Variants in JRK observed in about 807,000 individuals in gnomAD.
JRK encodes Jrk helix-turn-helix protein.
For synonymous variants in JRK, 303 were observed against 218.1 expected (o/e 1.39, Z -3.43); for missense variants, 720 against 509.2 (o/e 1.41, Z -3.98).
Position 142,658,821 on chromosome 8 carries a change from C to A in JRK, c.*5531G>T. 1 of 1,600,336 alleles carries A rather than the reference C, an allele frequency of 6.2e-7. No homozygotes were observed. Among genetic ancestry groups the A allele is most frequent in the Non-Finnish European group, 8.5e-7 (1 of 1,173,362 alleles). ...CACTGGTGGGGACAGAGGGGTCTTA[C>A]CCAGCACTGCCATGTGGCAGAAGTT... On this transcript the variant is annotated 3_prime_UTR_variant, in exon 2 of 2. Transcript: ENST00000612905.
the JRK span, among the ~76,000 whole-genome samples, chr8:142,651,857 C>A: frequency 1.3e-5 from 2 of 152,148 alleles, no homozygotes; most frequent in African/African-American, 4.8e-5. Context: ...AGGCTGAAGA[C>A]TGCTCTCCAC....
chr8:142,651,065 C>G, the JRK span, among the ~76,000 whole-genome samples: 1 of 151,200 alleles, frequency 6.6e-6, no homozygotes, highest in Non-Finnish European at 1.5e-5. Context: ...GCAGAGGGTG[C>G]AAGAGAAAGG....
At position 142,660,559 on chromosome 8, in the gene JRK, C is replaced by T; in HGVS notation, c.*3793G>A. ...GGGTTACAGGCACATGCCACCACAC[C>T]TGGCTCATTTTCTTTTACTTTCTGT... On this transcript the variant is annotated 3_prime_UTR_variant, in exon 2 of 2. Transcript: ENST00000612905. 2 of 697,374 alleles carry T rather than the reference C, an allele frequency of 2.9e-6. No individual in the cohort carries two copies. Among genetic ancestry groups the T allele is most frequent in the South Asian group, 1.3e-4 (2 of 15,290 alleles). 43.2% of individuals were successfully genotyped at this position (697,374 alleles called of 1,614,324 possible).
chr8:142,659,146 T>A lies in JRK; in HGVS notation c.*5206A>T. ...CAGGTGCCAAGTCCCAGCTCAAGCCTGGCAGCTCCTCCCACTGAGCCTCAT... is the reference window on the plus strand; with the variant it reads ...CAGGTGCCAAGTCCCAGCTCAAGCCAGGCAGCTCCTCCCACTGAGCCTCAT... On this transcript the variant is annotated 3_prime_UTR_variant, in exon 2 of 2. Coordinates refer to ENST00000612905, the MANE Select transcript of JRK (RefSeq NM_003724.4). 1 of 1,337,678 alleles carries A rather than the reference T, an allele frequency of 7.5e-7. No individual in the cohort carries two copies. Among genetic ancestry groups the A allele is most frequent in the South Asian group, 1.7e-5 (1 of 57,786 alleles). The allele number at this position is 1,337,678 out of a possible 1,614,324, so 82.9% of individuals were successfully genotyped here.
At chr8:142,650,880 G>C in the JRK span, among the ~76,000 whole-genome samples, 2 of 152,190 alleles carry the variant, frequency 1.3e-5, no homozygotes, top group African/African-American at 4.8e-5. Flanking sequence ...ACAAAATTAA[G>C]TGGTTTAAGG....
Position 142,663,130 on chromosome 8 carries a change from T to C in JRK, c.*1222A>G, listed in dbSNP as rs1846971141. The C allele has an allele frequency of 1.0e-6, 1 of 978,846 alleles. No homozygotes were observed. The highest frequency in any genetic ancestry group is 1.2e-6 in the Non-Finnish European group (1 of 824,304). 60.6% of individuals were successfully genotyped at this position (978,846 alleles called of 1,614,324 possible). Reference sequence around the variant, plus strand: ...ATCACACCACTTCACTCCAGCCTGGTCAACAGAGTGAGACCCTGCCTCAAG... The same window carrying C: ...ATCACACCACTTCACTCCAGCCTGGCCAACAGAGTGAGACCCTGCCTCAAG... On this transcript the variant is annotated 3_prime_UTR_variant, in exon 2 of 2. Coordinates refer to ENST00000612905, the MANE Select transcript of JRK (RefSeq NM_003724.4).
In JRK at chr8:142,658,974, G is replaced by C. The variant is rs587749064; in HGVS notation, c.*5378C>G. On this transcript the variant is annotated 3_prime_UTR_variant, in exon 2 of 2. Coordinates refer to ENST00000612905, the MANE Select transcript of JRK (RefSeq NM_003724.4). The stretch of plus-strand genomic sequence containing the variant: ...AACAACAGAACTTTGCTGCTTCATG[G>C]AGGAGCGTCAGTATGTCCACACCAT... 6.8e-6 allele frequency: 11 copies of C among 1,606,042 alleles called. No individual in the cohort carries two copies. The highest frequency in any genetic ancestry group is 6.8e-5 in the Admixed American group (4 of 58,938).
chr8:142,663,561 A>C lies in JRK; in HGVS notation c.*791T>G, dbSNP rs1183127694. On this transcript the variant is annotated 3_prime_UTR_variant, in exon 2 of 2. Coordinates refer to ENST00000612905, the MANE Select transcript of JRK (RefSeq NM_003724.4). The stretch of plus-strand genomic sequence containing the variant: ...CATGGTACATTGGACTCTGAGCCAA[A>C]ATGCCAAAATACCACACAGGGTCCG... 1 of 985,372 alleles carries C rather than the reference A, an allele frequency of 1.0e-6. No individual in the cohort carries two copies. The highest frequency in any genetic ancestry group is 1.2e-6 in the Non-Finnish European group (1 of 829,948). The allele number at this position is 985,372 out of a possible 1,614,324, so 61.0% of individuals were successfully genotyped here.
the JRK span, among the ~76,000 whole-genome samples, chr8:142,651,020 A>G: frequency 6.6e-6 from 1 of 152,208 alleles, no homozygotes; most frequent in African/African-American, 2.4e-5. Flanking sequence ...CACACTATTT[A>G]TAAATAATAT....
In JRK at chr8:142,663,031, T is replaced by A; in HGVS notation, c.*1321A>T. The A allele has an allele frequency of 1.7e-6, 1 of 580,122 alleles. No individual in the cohort carries two copies. The highest frequency in any genetic ancestry group is 2.2e-6 in the Non-Finnish European group (1 of 459,846). 35.9% of individuals were successfully genotyped at this position (580,122 alleles called of 1,614,324 possible). ...AAAAAGGCGCGGTGGTGCGTGCCTC[T>A]AGTCCCAGCTACTCAGGAGGCTGGG... On this transcript the variant is annotated 3_prime_UTR_variant, in exon 2 of 2. Coordinates refer to ENST00000612905, the MANE Select transcript of JRK (RefSeq NM_003724.4).
At chr8:142,669,609 A>C (rs1554636940) in intron 1 of JRK, among the ~76,000 whole-genome samples, 1 of 152,116 alleles carries the variant, frequency 6.6e-6, no homozygotes, top group Non-Finnish European at 1.5e-5. Flanking sequence ...GTGGAAGCGC[A>C]GGAAGGGTCC....
Position 142,658,710 on chromosome 8 carries a change from T to C in JRK, c.*5642A>G. The C allele has an allele frequency of 7.3e-7, 1 of 1,379,146 alleles. No homozygotes were observed. Among genetic ancestry groups the C allele is most frequent in the Non-Finnish European group, 9.5e-7 (1 of 1,048,424 alleles). The allele number at this position is 1,379,146 out of a possible 1,614,324, so 85.4% of individuals were successfully genotyped here. A position where few individuals can be genotyped will look rare whatever the true frequency, so the allele number is the denominator to read the frequency against. The stretch of plus-strand genomic sequence containing the variant: ...GGTCAGGGTTTCAACATATAAACTT[T>C]GGGGGGGGACACAAACATGCAGTCC... On this transcript the variant is annotated 3_prime_UTR_variant, in exon 2 of 2. Coordinates refer to ENST00000612905, the MANE Select transcript of JRK (RefSeq NM_003724.4).
chr8:142,659,147 G>C lies in JRK; in HGVS notation c.*5205C>G. ...AGGTGCCAAGTCCCAGCTCAAGCCT[G>C]GCAGCTCCTCCCACTGAGCCTCATG... On this transcript the variant is annotated 3_prime_UTR_variant, in exon 2 of 2. Transcript: ENST00000612905. 7.5e-7 allele frequency: 1 copy of C among 1,336,596 alleles called. No individual in the cohort carries two copies. Among genetic ancestry groups the C allele is most frequent in the Non-Finnish European group, 9.6e-7 (1 of 1,040,508 alleles). The allele number at this position is 1,336,596 out of a possible 1,614,324, so 82.8% of individuals were successfully genotyped here.
At chr8:142,649,718 G>C in the JRK span, among the ~76,000 whole-genome samples, 1 of 152,230 alleles carries the variant, frequency 6.6e-6, no homozygotes, top group Non-Finnish European at 1.5e-5. Context: ...AGGGTGTATG[G>C]AAACGACTGG....
chr8:142,668,670 C>T (rs1587535814), intron 1 of JRK, among the ~76,000 whole-genome samples: 1 of 151,596 alleles, frequency 6.6e-6, no homozygotes, highest in Non-Finnish European at 1.5e-5. Flanking sequence ...CGTCTCCATG[C>T]CTGACATGCA....
At chr8:142,666,796 A>T (rs11780221) in intron 1 of JRK, among the ~76,000 whole-genome samples, 83,504 of 152,140 alleles carry the variant, frequency 0.55, 24,221 homozygotes, top group Admixed American at 0.66. Flanking sequence ...TGGCTCTCAT[A>T]GGAGCAGCCC....
At chr8:142,667,633 G>C (rs990849961) in intron 1 of JRK, among the ~76,000 whole-genome samples, 4 of 152,214 alleles carry the variant, frequency 2.6e-5, no homozygotes, top group Non-Finnish European at 5.9e-5. Flanking sequence ...CCCCCTGGGA[G>C]CAAGGGTTCT....
chr8:142,658,712 G>T lies in JRK; in HGVS notation c.*5640C>A, dbSNP rs370903421. The stretch of plus-strand genomic sequence containing the variant: ...TCAGGGTTTCAACATATAAACTTTG[G>T]GGGGGGACACAAACATGCAGTCCTT... On this transcript the variant is annotated 3_prime_UTR_variant, in exon 2 of 2. Coordinates refer to ENST00000612905, the MANE Select transcript of JRK (RefSeq NM_003724.4). 28 of 1,389,508 alleles carry T rather than the reference G, an allele frequency of 2.0e-5. No individual in the cohort carries two copies. Among genetic ancestry groups the T allele is most frequent in the East Asian group, 2.6e-5 (1 of 37,744 alleles). The allele number at this position is 1,389,508 out of a possible 1,614,324, so 86.1% of individuals were successfully genotyped here. A position where few individuals can be genotyped will look rare whatever the true frequency, so the allele number is the denominator to read the frequency against.
Position 142,663,398 on chromosome 8 carries a change from A to G in JRK, c.*954T>C. Reference sequence around the variant, plus strand: ...TACTAACGTGCTAACAGCTGGGGATAAGAGCACACATACTGCTAGAAATCT... The same window carrying G: ...TACTAACGTGCTAACAGCTGGGGATGAGAGCACACATACTGCTAGAAATCT... On this transcript the variant is annotated 3_prime_UTR_variant, in exon 2 of 2. Transcript: ENST00000612905. The G allele has an allele frequency of 2.0e-6, 2 of 985,500 alleles. No homozygotes were observed. Among genetic ancestry groups the G allele is most frequent in the Middle Eastern group, 5.2e-4 (1 of 1,914 alleles). 61.0% of individuals were successfully genotyped at this position (985,500 alleles called of 1,614,324 possible).
Sources: allele counts gnomAD v4.1 joint callset (sites outside exome capture counted in the v4.1 genomes callset), GRCh38; gene constraint gnomAD v4.1.1; transcripts MANE v1.5; gene names NCBI Gene and HGNC (gene_info 2026-07-23, HGNC 2026-07-21).